The following STK26 variants were observed in gnomAD, a reference collection of about 807,000 sequenced individuals.
The protein encoded by STK26 is serine/threonine kinase 26.
In STK26, 14 loss-of-function variants were observed where a neutral mutation model predicts 34.7. The ratio of observed to expected loss-of-function variants is 0.40; its 90% CI spans 0.27 to 0.63. The LOEUF is 0.63. Among genes scored for constraint, STK26 ranks in the 30% least tolerant of loss-of-function variants. The pLI, the probability that STK26 is intolerant of heterozygous loss-of-function variation, is 0.38. For missense variants in STK26, 226 were observed against 309.1 expected, an observed-to-expected ratio of 0.73 and a Z score of 2.02; for synonymous variants, 100 against 109.8, an observed-to-expected ratio of 0.91 and a Z score of 0.56.
intron 2 of STK26, among the ~76,000 whole-genome samples, chrX:132,050,593 T>A (rs904052918): frequency 1.8e-5 from 2 of 112,035 alleles, no homozygotes; most frequent in South Asian, 7.3e-4. Flanking sequence ...GAAAATAAAT[T>A]CGTGTGTAAG....
At chrX:132,024,802 T>G (rs932198879) in intron 2 of STK26, among the ~76,000 whole-genome samples, 3 of 109,237 alleles carry the variant, frequency 2.7e-5, no homozygotes, top group African/African-American at 1.0e-4. Flanking sequence ...ACAAAAGTGA[T>G]TTTTAAATTC....
chrX:132,061,562 T>G (rs766349793), intron 3 of STK26, among the ~76,000 whole-genome samples: 137 of 112,161 alleles, frequency 1.2e-3, no homozygotes, highest in African/African-American at 4.2e-3. Context: ...GTGGAGGAAG[T>G]GGTAGGGGAA....
intron 2 of STK26, among the ~76,000 whole-genome samples, chrX:132,034,140 T>G (rs923557904): frequency 1.0e-5 from 1 of 97,805 alleles, no homozygotes; most frequent in Non-Finnish European, 2.0e-5. Context: ...AATAAAAAAA[T>G]AAAAGAGAGT....
At chrX:132,025,626 G>A (rs1479300672) in intron 2 of STK26, among the ~76,000 whole-genome samples, 1 of 102,934 alleles carries the variant, frequency 9.7e-6, no homozygotes, top group African/African-American at 3.6e-5. Flanking sequence ...ACATCTCAAC[G>A]TTAGCAAAGA....
chrX:132,038,277 G>A (rs1209941850), intron 2 of STK26, among the ~76,000 whole-genome samples: 1 of 111,946 alleles, frequency 8.9e-6, no homozygotes, highest in Non-Finnish European at 1.9e-5. Context: ...TCTGCAGAGA[G>A]GAGAAAAAGC....
chrX:132,039,516 G>A (rs1235774721), intron 2 of STK26, among the ~76,000 whole-genome samples: 2 of 111,499 alleles, frequency 1.8e-5, no homozygotes, highest in African/African-American at 6.5e-5. Context: ...GAGTTTTGGA[G>A]ATTCTACTCA....
intron 2 of STK26, among the ~76,000 whole-genome samples, chrX:132,036,777 G>T (rs1414791627): frequency 9.0e-6 from 1 of 111,721 alleles, no homozygotes; most frequent in Non-Finnish European, 1.9e-5. Context: ...GTAGATGAAT[G>T]AATGTATATA....
intron 2 of STK26, among the ~76,000 whole-genome samples, chrX:132,026,320 T>G (rs1349580888): frequency 8.9e-6 from 1 of 112,125 alleles, no homozygotes; most frequent in Non-Finnish European, 1.9e-5. Flanking sequence ...GAATTAGTTA[T>G]TCAAACTCAT....
intron 2 of STK26, among the ~76,000 whole-genome samples, chrX:132,030,853 A>G (rs1299250320): frequency 8.9e-6 from 1 of 111,865 alleles, no homozygotes; most frequent in Non-Finnish European, 1.9e-5. Flanking sequence ...AAATCAATTA[A>G]ATACACAGAA....
Position 132,072,349 on chromosome X carries a change from A to G in STK26, c.1014A>G (p.Val338=). The change falls in exon 9 of 12, where the codon GTA becomes GTG. Residue 338 remains valine (V), a synonymous_variant. Coordinates refer to ENST00000394334, the MANE Select transcript of STK26 (RefSeq NM_016542.4). The part of the protein sequence containing the change: ...TVRKKPDPKK[V]QNGAEQDLVQ... ...GAAAGAAGCCTGATCCAAAGAAAGT[A>G]CAGAATGGGGCAGTATGTATATGGA... 3.3e-6 allele frequency: 4 copies of G among 1,197,602 alleles called. No individual in the cohort carries two copies. The highest frequency in any genetic ancestry group is 4.5e-6 in the Non-Finnish European group (4 of 883,149).
At chrX:132,051,494 A>G (rs1391112185) in intron 2 of STK26, among the ~76,000 whole-genome samples, 1 of 111,688 alleles carries the variant, frequency 9.0e-6, no homozygotes. Context: ...ACTACAGAAC[A>G]TAGAGCTCTT....
chrX:132,041,501 A>T (rs754046996), intron 2 of STK26, among the ~76,000 whole-genome samples: 2 of 111,449 alleles, frequency 1.8e-5, no homozygotes, highest in East Asian at 5.6e-4. Context: ...TTTAGGGTAG[A>T]CACTGTTCCA....
intron 2 of STK26, among the ~76,000 whole-genome samples, chrX:132,045,744 A>T (rs1410266187): frequency 1.8e-5 from 2 of 112,150 alleles, no homozygotes; most frequent in Non-Finnish European, 3.8e-5. Context: ...TGTTTGCAGG[A>T]TGTTTCCTTC....
At chrX:132,048,755 C>A (rs769061612) in intron 2 of STK26, among the ~76,000 whole-genome samples, 3 of 111,130 alleles carry the variant, frequency 2.7e-5, no homozygotes, top group African/African-American at 9.8e-5. Flanking sequence ...TAGGACAAAA[C>A]GGGTATACAA....
Position 132,071,125 on chromosome X carries a change from G to A in STK26, c.840G>A (p.Lys280=), listed in dbSNP as rs1927400185. 1 of 1,205,928 alleles carries A rather than the reference G, an allele frequency of 8.3e-7. No individual in the cohort carries two copies. The highest frequency in any genetic ancestry group is 1.1e-6 in the Non-Finnish European group (1 of 892,039). The change falls in exon 8 of 12, where the codon AAG becomes AAA. Residue 280 remains lysine (K), a synonymous_variant. Coordinates refer to ENST00000394334, the MANE Select transcript of STK26 (RefSeq NM_016542.4). Reference sequence around the variant, plus strand: ...AATTCATTGTAAAAAATTCAAAGAAGACTTCTTATCTGACTGAACTGATAG... The same window carrying A: ...AATTCATTGTAAAAAATTCAAAGAAAACTTCTTATCTGACTGAACTGATAG... ...KHKFIVKNSK[K]TSYLTELIDR...
chrX:132,024,066 C>T (rs992016234), intron 2 of STK26, among the ~76,000 whole-genome samples: 44 of 111,237 alleles, frequency 4.0e-4, no homozygotes, highest in Non-Finnish European at 3.0e-4. Flanking sequence ...ACCCCAAACA[C>T]ACACTCAAGT....
At position 132,034,407 on chromosome X, in the gene STK26, C is replaced by T. The variant is rs770811679; in HGVS notation, c.42+10748C>T. Reference sequence around the variant, plus strand: ...CTGCAAGCTCCGCCTCCCGGGTTCACGCCATTCTCCTGCCTCAGCCTCCCG... The same window carrying T: ...CTGCAAGCTCCGCCTCCCGGGTTCATGCCATTCTCCTGCCTCAGCCTCCCG... On this transcript the variant is annotated intron_variant, in intron 2 of 11. Coordinates refer to ENST00000394334, the MANE Select transcript of STK26 (RefSeq NM_016542.4). 6.0e-3 allele frequency among the ~76,000 whole-genome samples: 577 copies of T among 96,258 alleles called. 5 individuals carry two copies. The highest frequency in any genetic ancestry group is 8.8e-3 in the Non-Finnish European group (431 of 48,981). The allele number at this position is 96,258 out of a possible 115,157, so 83.6% of individuals were successfully genotyped here.
At chrX:132,051,343 G>A (rs181118449) in intron 2 of STK26, among the ~76,000 whole-genome samples, 4 of 111,642 alleles carry the variant, frequency 3.6e-5, no homozygotes, top group Admixed American at 1.9e-4. Context: ...ATAAAACAGG[G>A]CCAAGGAATA....
chrX:132,043,558 A>G (rs1354352365), intron 2 of STK26, among the ~76,000 whole-genome samples: 2 of 111,596 alleles, frequency 1.8e-5, no homozygotes, highest in African/African-American at 6.5e-5. Context: ...GTCAGTAATA[A>G]TCTCTGTAAT....
Sources: allele counts gnomAD v4.1 joint callset (sites outside exome capture counted in the v4.1 genomes callset), GRCh38; gene constraint gnomAD v4.1.1; transcripts MANE v1.5; gene names NCBI Gene and HGNC (gene_info 2026-07-23, HGNC 2026-07-21).